Variants in MACROD1 observed in about 807,000 individuals in gnomAD.
MACROD1 encodes mono-ADP ribosylhydrolase 1.
MACROD1 carries 31 observed loss-of-function variants against 41.4 expected under a neutral mutation model. The ratio of observed to expected loss-of-function variants is 0.75; its 90% CI spans 0.56 to 1.01. MACROD1 has a LOEUF of 1.01. Among genes scored for constraint, MACROD1 ranks in the 50% least tolerant of loss-of-function variants. The pLI is 0.00. For missense variants in MACROD1, 473 were observed against 460.0 expected, an observed-to-expected ratio of 1.03 and a Z score of -0.26; for synonymous variants, 252 against 203.4, an observed-to-expected ratio of 1.24 and a Z score of -2.03.
At chr11:64,150,978 G>A (rs886935595) in intron 3 of MACROD1, among the ~76,000 whole-genome samples, 1 of 152,186 alleles carries the variant, frequency 6.6e-6, no homozygotes, top group Non-Finnish European at 1.5e-5. Flanking sequence ...GGGCAGCCCA[G>A]TTTCAGCCCA....
At chr11:64,085,993 T>C (rs1944386806) in intron 3 of MACROD1, among the ~76,000 whole-genome samples, 1 of 116,622 alleles carries the variant, frequency 8.6e-6, no homozygotes, top group Admixed American at 1.0e-4. Context: ...GCTTGCAGCC[T>C]CAAAGGAGGC....
intron 3 of MACROD1, among the ~76,000 whole-genome samples, chr11:64,109,183 C>G (rs937244005): frequency 2.0e-5 from 3 of 152,086 alleles, no homozygotes; most frequent in Admixed American, 6.5e-5. Context: ...TCCAGAAGCT[C>G]CTGGGACATG....
Position 64,165,787 on chromosome 11 carries a change from C to T in MACROD1, c.208G>A (p.Gly70Arg). 1.3e-6 allele frequency: 2 copies of T among 1,486,646 alleles called. No homozygotes were observed. The highest frequency in any genetic ancestry group is 8.9e-7 in the Non-Finnish European group (1 of 1,122,630). 92.1% of individuals were successfully genotyped at this position (1,486,646 alleles called of 1,614,324 possible). The part of the protein sequence containing the change: ...GVGAWGAAAV[G>R]RTAGVRTWAP... ...CAAGTGCGCACCCCGGCTGTCCGCC[C>T]CACCGCCGCCGCCCCCCACGCCCCA... is the stretch of plus-strand genomic sequence containing the variant. Residue 70 changes from glycine to arginine, a missense_variant, in exon 1 of 11, where the codon GGG (glycine) becomes AGG (arginine). By Grantham distance (125) the Gly-to-Arg change is moderately radical. Transcript: ENST00000255681.
Position 64,067,208 on chromosome 11 carries a change from A to G in MACROD1, c.518-51927T>C, listed in dbSNP as rs1232109412. Among the ~76,000 whole-genome samples the G allele has an allele frequency of 6.6e-6, 1 of 152,024 alleles. No individual in the cohort carries two copies. The highest frequency in any genetic ancestry group is 1.5e-5 in the Non-Finnish European group (1 of 67,992). ...ACATGCGGCTCCAAGGAGATGGCAGATGGGAGGGGTGGGGAGAGGCCTTGC... is the reference window on the plus strand; with the variant it reads ...ACATGCGGCTCCAAGGAGATGGCAGGTGGGAGGGGTGGGGAGAGGCCTTGC... On this transcript the variant is annotated intron_variant, in intron 3 of 10. Coordinates refer to ENST00000255681, the MANE Select transcript of MACROD1 (RefSeq NM_014067.4). The surrounding 1 kb of genome is among the most constrained non-coding windows in gnomAD (Gnocchi z 4.6).
intron 3 of MACROD1, among the ~76,000 whole-genome samples, chr11:64,034,675 G>GA (rs139450089): frequency 0.011 from 1,647 of 152,324 alleles, 31 homozygotes; most frequent in African/African-American, 0.037. Flanking sequence ...TCCCCAAGGG[G>GA]ATCTGGGAGG....
At chr11:64,086,564 C>A (rs555677207) in intron 3 of MACROD1, among the ~76,000 whole-genome samples, 1 of 152,234 alleles carries the variant, frequency 6.6e-6, no homozygotes, top group Admixed American at 6.5e-5. Flanking sequence ...AGCCAGCCTT[C>A]CTCCTGCCTC....
chr11:64,158,535 G>A (rs7924999), intron 1 of MACROD1, among the ~76,000 whole-genome samples: 10,013 of 152,114 alleles, frequency 0.066, 450 homozygotes, highest in Middle Eastern at 0.13. Context: ...GAGCCACCAC[G>A]CCTGGCCCAA....
At chr11:64,052,876 C>A (rs769237894) in intron 3 of MACROD1, among the ~76,000 whole-genome samples, 22 of 152,206 alleles carry the variant, frequency 1.4e-4, no homozygotes, top group Non-Finnish European at 2.5e-4. Flanking sequence ...CCTGCCAGAG[C>A]CCACCACTAC....
intron 3 of MACROD1, among the ~76,000 whole-genome samples, chr11:64,134,868 A>G (rs946344955): frequency 1.3e-5 from 2 of 152,234 alleles, no homozygotes; most frequent in African/African-American, 2.4e-5. Context: ...TCGCATATTA[A>G]GAGAGGAGTA....
At chr11:64,127,537 C>T (rs990431858) in intron 3 of MACROD1, among the ~76,000 whole-genome samples, 2 of 152,242 alleles carry the variant, frequency 1.3e-5, no homozygotes, top group Non-Finnish European at 2.9e-5. Flanking sequence ...GGAGACTGTT[C>T]CCTCCGGCAC....
At chr11:64,058,137 C>T (rs963990499) in intron 3 of MACROD1, among the ~76,000 whole-genome samples, 21 of 152,368 alleles carry the variant, frequency 1.4e-4, no homozygotes, top group East Asian at 1.3e-3. Context: ...CAGCCCCCAG[C>T]GACTGTGTTT....
At chr11:64,035,926 C>G (rs1355598964) in intron 3 of MACROD1, 4 of 147,198 alleles carry the variant, frequency 2.7e-5, no homozygotes, top group Admixed American at 1.4e-4. Context: ...CTGGACGCAC[C>G]CCCCGCACTC....
rs1590814975 is a variant in MACROD1, at chr11:64,030,846, T to C, written c.518-15565A>G. Among the ~76,000 whole-genome samples, 5 of 149,620 alleles carry C rather than the reference T, an allele frequency of 3.3e-5. No individual in the cohort carries two copies. In the South Asian group the frequency reaches 1.1e-3, roughly 32 times the overall value. On this transcript the variant is annotated intron_variant, in intron 3 of 10. Transcript: ENST00000255681. ...TGGGAGCATCGCTTGAGCTCAGGAG[T>C]TCGAATCCAGCCTGGGCAACATAGT... is the stretch of plus-strand genomic sequence containing the variant.
intron 4 of MACROD1, among the ~76,000 whole-genome samples, chr11:64,013,259 C>T (rs1200345461): frequency 3.3e-5 from 5 of 152,084 alleles, no homozygotes; most frequent in Non-Finnish European, 5.9e-5. Flanking sequence ...AAGTTAAAAC[C>T]ACAGCAGGGT....
intron 3 of MACROD1, among the ~76,000 whole-genome samples, chr11:64,023,184 C>G (rs1943180211): frequency 6.6e-6 from 1 of 152,146 alleles, no homozygotes; most frequent in Non-Finnish European, 1.5e-5. Context: ...TGACCATCAT[C>G]TTTGCACACA....
intron 3 of MACROD1, among the ~76,000 whole-genome samples, chr11:64,050,092 T>A (rs1324417622): frequency 6.6e-6 from 1 of 152,162 alleles, no homozygotes; most frequent in Non-Finnish European, 1.5e-5. Flanking sequence ...CTCCGGAGGC[T>A]GGGAAACCAG....
intron 3 of MACROD1, among the ~76,000 whole-genome samples, chr11:64,085,568 C>T (rs2134505117): frequency 6.6e-6 from 1 of 152,316 alleles, no homozygotes; most frequent in Non-Finnish European, 1.5e-5. Flanking sequence ...CCCCTGCCGC[C>T]CGCCCGGGTC....
intron 3 of MACROD1, among the ~76,000 whole-genome samples, chr11:64,020,676 G>A (rs892982005): frequency 3.3e-5 from 5 of 151,890 alleles, no homozygotes; most frequent in African/African-American, 1.2e-4. Flanking sequence ...TGCTCTCCTG[G>A]GGGGGCCATG....
At chr11:64,158,437 T>G (rs1322951907) in intron 1 of MACROD1, among the ~76,000 whole-genome samples, 2 of 152,122 alleles carry the variant, frequency 1.3e-5, no homozygotes, top group Non-Finnish European at 1.5e-5. Context: ...AGAGACAAGG[T>G]CTGGATATAT....
Sources: allele counts gnomAD v4.1 joint callset (sites outside exome capture counted in the v4.1 genomes callset), GRCh38; gene constraint gnomAD v4.1.1; non-coding constraint Gnocchi (gnomAD v3.1); transcripts MANE v1.5; gene names NCBI Gene and HGNC (gene_info 2026-07-23, HGNC 2026-07-21).